LRRTM4: variants seen among roughly 807,000 people sequenced by gnomAD.
LRRTM4 encodes leucine-rich repeat transmembrane neuronal protein 4.
In LRRTM4, 25 loss-of-function variants were observed where a neutral mutation model predicts 47.6. The ratio of observed to expected loss-of-function variants is 0.53; its 90% CI spans 0.38 to 0.73. The LOEUF is 0.73. LRRTM4 is among the 30% of genes least tolerant of loss of function. The pLI is 0.00. For missense variants in LRRTM4, 638 were observed against 713.4 expected (o/e 0.89, Z 1.20); for synonymous variants, 311 against 269.5 (o/e 1.15, Z -1.51).
intron 3 of LRRTM4, among the ~76,000 whole-genome samples, chr2:77,122,176 A>G (rs1384720741): frequency 6.6e-6 from 1 of 151,748 alleles, no homozygotes; most frequent in Non-Finnish European, 1.5e-5. Flanking sequence ...GCAACCACAC[A>G]AACATTTCCT....
chr2:77,144,358 T>G (rs1028846427), intron 3 of LRRTM4, among the ~76,000 whole-genome samples: 25 of 151,698 alleles, frequency 1.6e-4, no homozygotes. Context: ...AACGGAAACC[T>G]GGGAAGCACA....
At chr2:77,276,206 C>T (rs971963377) in intron 3 of LRRTM4, among the ~76,000 whole-genome samples, 1 of 151,870 alleles carries the variant, frequency 6.6e-6, no homozygotes, top group Admixed American at 6.6e-5. Context: ...AAATAAGTCA[C>T]TGATTTTGGA....
intron 3 of LRRTM4, among the ~76,000 whole-genome samples, chr2:77,289,225 C>CT (rs67004677): frequency 5.9e-5 from 9 of 151,568 alleles, no homozygotes; most frequent in East Asian, 2.0e-4. Context: ...GCCCTTTATC[C>CT]TTTTTTTTGT....
At position 76,748,624 on chromosome 2, in the gene LRRTM4, C is replaced by A. The variant is rs1672727483; in HGVS notation, c.*71G>T. ...TTGCTCGATTGCGCGATTGTGGACA[C>A]CCATTCTCCTTTAAGATGAAGGCCC... On this transcript the variant is annotated 3_prime_UTR_variant, in exon 4 of 4. Transcript: ENST00000409884. 8 of 1,229,564 alleles carry A rather than the reference C, an allele frequency of 6.5e-6. No individual in the cohort carries two copies. Among genetic ancestry groups the A allele is most frequent in the African/African-American group, 1.5e-5 (1 of 66,770 alleles). 76.2% of individuals were successfully genotyped at this position (1,229,564 alleles called of 1,614,324 possible). A position where few individuals can be genotyped will look rare whatever the true frequency, so the allele number is the denominator to read the frequency against.
At chr2:77,041,667 T>C (rs976002304) in intron 3 of LRRTM4, among the ~76,000 whole-genome samples, 5 of 151,410 alleles carry the variant, frequency 3.3e-5, no homozygotes, top group African/African-American at 1.2e-4. Flanking sequence ...TTGATTACTT[T>C]TTCATACATC....
chr2:76,986,352 A>G (rs1382861863), intron 3 of LRRTM4, among the ~76,000 whole-genome samples: 1 of 151,954 alleles, frequency 6.6e-6, no homozygotes, highest in Non-Finnish European at 1.5e-5. Context: ...TCTTTAACCA[A>G]AAATATACTA....
chr2:76,889,317 T>C (rs886422373), intron 3 of LRRTM4, among the ~76,000 whole-genome samples: 1 of 151,990 alleles, frequency 6.6e-6, no homozygotes, highest in East Asian at 1.9e-4. Flanking sequence ...AAGCCAGATA[T>C]TGATTGTGAG....
At position 77,029,638 on chromosome 2, in the gene LRRTM4, C is replaced by T. The variant is rs539823788; in HGVS notation, c.1552-280722G>A. Among the ~76,000 whole-genome samples the T allele has an allele frequency of 1.8e-4, 28 of 152,096 alleles. No homozygotes were observed. In the East Asian group the frequency reaches 5.4e-3, roughly 29 times the overall value. ...TATTAGCCATCACAGAGATGAATGT[C>T]AGAAATGAAAACTCTAAAAGAGATG... On this transcript the variant is annotated intron_variant, in intron 3 of 3. Transcript: ENST00000409884.
At position 76,760,128 on chromosome 2, in the gene LRRTM4, G is replaced by C. The variant is rs544492611; in HGVS notation, c.1552-11212C>G. On this transcript the variant is annotated intron_variant, in intron 3 of 3. Transcript: ENST00000409884. ...TATTTGGAAGAAGTTTACCTCTAAA[G>C]CTGTGAGCGTCTCACTTTCCTTTTC... is the stretch of plus-strand genomic sequence containing the variant. 4.7e-3 allele frequency among the ~76,000 whole-genome samples: 717 copies of C among 152,196 alleles called. 32 individuals carry two copies. Among genetic ancestry groups the C allele is most frequent in the Admixed American group, 0.042 (644 of 15,276 alleles).
chr2:77,360,067 A>G (rs1424726214), intron 3 of LRRTM4, among the ~76,000 whole-genome samples: 1 of 152,194 alleles, frequency 6.6e-6, no homozygotes, highest in Non-Finnish European at 1.5e-5. Flanking sequence ...TTTTTTAGAT[A>G]AGTATATGAT....
At chr2:77,452,005 G>A (rs1234067783) in intron 3 of LRRTM4, among the ~76,000 whole-genome samples, 1 of 152,162 alleles carries the variant, frequency 6.6e-6, no homozygotes, top group Admixed American at 6.5e-5. Context: ...GTAATGAGGG[G>A]AGTTGGAGAA....
intron 3 of LRRTM4, among the ~76,000 whole-genome samples, chr2:77,056,900 T>A (rs1242203975): frequency 1.3e-5 from 2 of 152,210 alleles, no homozygotes. Context: ...TAGCCCAAGA[T>A]TTTTTCATAC....
At chr2:77,004,483 G>A (rs924466167) in intron 3 of LRRTM4, among the ~76,000 whole-genome samples, 1 of 152,110 alleles carries the variant, frequency 6.6e-6, no homozygotes, top group Admixed American at 6.6e-5. Flanking sequence ...GTGAACCTTT[G>A]CCTAGATTTC....
chr2:77,083,554 TAGAC>T (rs1680599649), intron 3 of LRRTM4, among the ~76,000 whole-genome samples: 1 of 152,076 alleles, frequency 6.6e-6, no homozygotes, highest in South Asian at 2.1e-4. Flanking sequence ...CTGAAAATAT[TAGAC>T]AGTCAGATAC....
At chr2:76,980,913 C>T (rs1222693882) in intron 3 of LRRTM4, among the ~76,000 whole-genome samples, 1 of 152,096 alleles carries the variant, frequency 6.6e-6, no homozygotes, top group South Asian at 2.1e-4. Flanking sequence ...GATTACATCT[C>T]CTATGATTAC....
At chr2:77,511,615 T>G (rs1488941286) in intron 3 of LRRTM4, among the ~76,000 whole-genome samples, 2 of 151,902 alleles carry the variant, frequency 1.3e-5, no homozygotes, top group East Asian at 3.9e-4. Context: ...AAATACATAA[T>G]AAGGTTATGG....
intron 3 of LRRTM4, among the ~76,000 whole-genome samples, chr2:77,321,579 AAAGAAAAG>A (rs1441080444): frequency 2.5e-4 from 27 of 109,670 alleles, no homozygotes; most frequent in Admixed American, 1.5e-3. Context: ...AAAGAAAAGA[AAAGAAAAG>A]AAAAGAAAAA....
intron 3 of LRRTM4, among the ~76,000 whole-genome samples, chr2:76,895,342 G>A (rs1251870841): frequency 6.6e-6 from 1 of 151,952 alleles, no homozygotes; most frequent in Non-Finnish European, 1.5e-5. Context: ...TTATCCATGA[G>A]AACGAAAATT....
chr2:77,067,856 A>G (rs1486225850), intron 3 of LRRTM4, among the ~76,000 whole-genome samples: 3 of 152,116 alleles, frequency 2.0e-5, no homozygotes, highest in Non-Finnish European at 4.4e-5. Flanking sequence ...GAAAAAATAT[A>G]TAATACATAC....
Sources: allele counts gnomAD v4.1 joint callset (sites outside exome capture counted in the v4.1 genomes callset), GRCh38; gene constraint gnomAD v4.1.1; transcripts MANE v1.5; gene names NCBI Gene and HGNC (gene_info 2026-07-23, HGNC 2026-07-21).